The following UPF3B variants were observed in gnomAD, a reference collection of about 807,000 sequenced individuals.
UPF3B encodes the protein UPF3B regulator of nonsense mediated mRNA decay, also known as regulator of nonsense transcripts 3B.
UPF3B carries 7 observed loss-of-function variants against 40.3 expected under a neutral mutation model. That is an observed-to-expected ratio of 0.17 (90% CI 0.10 to 0.33). The LOEUF is 0.33. UPF3B is among the 10% of genes least tolerant of loss of function. The pLI, the probability that UPF3B is intolerant of heterozygous loss-of-function variation, is 1.00. For missense variants in UPF3B, 229 were observed against 358.9 expected (o/e 0.64, Z 2.93); for synonymous variants, 117 against 117.3 (o/e 1.00, Z 0.01).
intron 3 of UPF3B, among the ~76,000 whole-genome samples, chrX:119,847,965 T>TAC (rs2056255405): frequency 9.1e-6 from 1 of 110,344 alleles, no homozygotes; most frequent in African/African-American, 3.3e-5. Context: ...ATGTGGTATA[T>TAC]ACATATACTG....
chrX:119,842,495 G>A (rs1423601965), intron 5 of UPF3B, among the ~76,000 whole-genome samples: 1 of 108,549 alleles, frequency 9.2e-6, no homozygotes, highest in Non-Finnish European at 1.9e-5. Context: ...CGGCAGAATC[G>A]CCTGAACCCA....
Position 119,837,989 on chromosome X carries a change from T to A in UPF3B, c.1070A>T (p.Glu357Val). Residue 357 changes from glutamate to valine, a missense_variant, in exon 10 of 11, where the codon GAG becomes GTG. Physicochemically the swap from Glu to Val is moderately radical, Grantham distance 121. Coordinates refer to ENST00000276201, the MANE Select transcript of UPF3B (RefSeq NM_080632.3). ...CCTCTCTCTTTCTCGAAGTATGCGC[T>A]CCTGATCTCGTTCATATTCCCGTTC... ...EREREYERDQERILRERERLK... is the reference protein window; with the variant it reads ...EREREYERDQVRILRERERLK... 1 of 1,211,377 alleles carries A rather than the reference T, an allele frequency of 8.3e-7. No individual in the cohort carries two copies. Among genetic ancestry groups the A allele is most frequent in the Non-Finnish European group, 1.1e-6 (1 of 895,544 alleles).
At chrX:119,848,197 G>C (rs2056257616) in intron 3 of UPF3B, among the ~76,000 whole-genome samples, 1 of 101,721 alleles carries the variant, frequency 9.8e-6, no homozygotes, top group African/African-American at 3.8e-5. Context: ...CTGGAGAATT[G>C]CTTGAACCCA....
rs144736458 is a variant in UPF3B, at chrX:119,809,102, A to G, written c.603-1521T>C. ...TTCGAATGGCTCGGGAGGCCTCAGG[A>G]AATTTAAAATTATGGCAGAAGGTGA... On this transcript the variant is annotated intron_variant, in intron 5 of 6. Transcript: ENST00000636792. Among the ~76,000 whole-genome samples the G allele has an allele frequency of 1.0e-3, 113 of 111,637 alleles. 1 individual carries two copies. In the East Asian group the frequency reaches 0.025, roughly 24 times the overall value.
chrX:119,808,357 TG>T (rs2055808038), intron 5 of UPF3B, among the ~76,000 whole-genome samples: 1 of 102,947 alleles, frequency 9.7e-6, no homozygotes, highest in Admixed American at 1.1e-4. Context: ...AGGGCCCTCC[TG>T]TGGTTTCACT....
downstream of UPF3B, among the ~76,000 whole-genome samples, chrX:119,830,741 CA>C (rs1212201382): frequency 7.4e-3 from 608 of 82,494 alleles, 2 homozygotes; most frequent in African/African-American, 0.012. Context: ...TACTGTGTCT[CA>C]AAAAAAAAAA....
chrX:119,838,019 T>C lies in UPF3B; in HGVS notation c.1040A>G (p.Glu347Gly). The C allele has an allele frequency of 8.3e-7, 1 of 1,211,070 alleles. No homozygotes were observed. Among genetic ancestry groups the C allele is most frequent in the Non-Finnish European group, 1.1e-6 (1 of 895,513 alleles). ...ATCTCGTTCATATTCCCGTTCCCTC[T>C]CCCTATAGTCTCTGCCGCTCTCATC... ...PEDESGRDYR[E>G]REREYERDQE... The change falls in exon 10 of 11, where the codon GAG becomes GGG. Residue 347 changes from glutamate (E) to glycine (G), a missense_variant. Physicochemically the swap from Glu to Gly is moderately conservative, Grantham distance 98 (BLOSUM62 -2). Coordinates refer to ENST00000276201, the MANE Select transcript of UPF3B (RefSeq NM_080632.3).
chrX:119,823,429 G>A (rs2055943128), intron 3 of UPF3B, among the ~76,000 whole-genome samples: 2 of 110,517 alleles, frequency 1.8e-5, no homozygotes, highest in Non-Finnish European at 3.8e-5. Context: ...GCAGAGACGG[G>A]GTTGCCCTAT....
chrX:119,823,669 T>G (rs1199260421), intron 3 of UPF3B, among the ~76,000 whole-genome samples: 1 of 107,029 alleles, frequency 9.3e-6, no homozygotes, highest in Non-Finnish European at 1.9e-5. Context: ...GTTCAAGCGA[T>G]TCTCCTGCCT....
chrX:119,850,073 A>G (rs1233611322), intron 3 of UPF3B, among the ~76,000 whole-genome samples: 2 of 108,070 alleles, frequency 1.9e-5, no homozygotes, highest in Non-Finnish European at 3.8e-5. Flanking sequence ...GGGGGGGGAA[A>G]TCACTTGAGC....
rs1013243928 is a variant in UPF3B at position 119,825,012 on chromosome X, C to T, written c.393-1969G>A. ...AAACTCCTGACCTCAGGTGATCCAC[C>T]GGCCTTGGCTTCCCAAAGTGCTAGG... On this transcript the variant is annotated intron_variant, in intron 3 of 6. Transcript: ENST00000636792. 5.4e-5 allele frequency among the ~76,000 whole-genome samples: 6 copies of T among 110,711 alleles called. 1 individual carries two copies. The highest frequency in any genetic ancestry group is 2.0e-4 in the Admixed American group (2 of 10,247).
At chrX:119,807,442 T>C in intron 6 of UPF3B, 1 of 871,911 alleles carries the variant, frequency 1.1e-6, no homozygotes, top group Non-Finnish European at 1.5e-6. Context: ...AACACTCCCT[T>C]CCTCCTTCTT....
At chrX:119,807,983 G>A (rs1331852321) in intron 5 of UPF3B, among the ~76,000 whole-genome samples, 1 of 111,313 alleles carries the variant, frequency 9.0e-6, no homozygotes, top group Non-Finnish European at 1.9e-5. Flanking sequence ...TTAGTAGAGA[G>A]GGGGTCTCCC....
intron 5 of UPF3B, among the ~76,000 whole-genome samples, chrX:119,814,314 GACAAA>G (rs2055846261): frequency 8.9e-6 from 1 of 111,873 alleles, no homozygotes; most frequent in Non-Finnish European, 1.9e-5. Context: ...AAATGCTGGA[GACAAA>G]ACAAGATGTT....
rs371661562 is a variant in UPF3B at position 119,811,363 on chromosome X, A to G, written c.603-3782T>C. Among the ~76,000 whole-genome samples, 41 of 110,404 alleles carry G rather than the reference A, an allele frequency of 3.7e-4. No homozygotes were observed. In the East Asian group the frequency reaches 7.3e-3, roughly 20 times the overall value. On this transcript the variant is annotated intron_variant, in intron 5 of 6. Transcript: ENST00000636792. ...CCATCATCTGTTCTTTTAAAAATCC[A>G]TGGCCGGGTGCGGTGGCTCACACCT...
At chrX:119,825,803 G>A (rs2055972692) in intron 3 of UPF3B, among the ~76,000 whole-genome samples, 1 of 111,957 alleles carries the variant, frequency 8.9e-6, no homozygotes, top group Non-Finnish European at 1.9e-5. Context: ...AAAGATGAAG[G>A]CTGCAGCAGC....
chrX:119,838,404 G>A lies in UPF3B; in HGVS notation c.970C>T (p.Arg324Cys), dbSNP rs199988206. 10 of 1,211,648 alleles carry A rather than the reference G, an allele frequency of 8.3e-6. No individual in the cohort carries two copies. The highest frequency in any genetic ancestry group is 5.9e-5 in the East Asian group (2 of 33,846). Residue 324 changes from arginine to cysteine, a missense_variant, in exon 9 of 11, where the codon CGT (arginine) becomes TGT (cysteine). Coordinates refer to ENST00000276201, the MANE Select transcript of UPF3B (RefSeq NM_080632.3). ...TCATCTTTAAGTTCGCTATCAGAACGCTTGGGCAATGTACAACTTTGCCCA... is the reference window on the plus strand; with the variant it reads ...TCATCTTTAAGTTCGCTATCAGAACACTTGGGCAATGTACAACTTTGCCCA... ...ASGQSCTLPK[R>C]SDSELKDEKP...
intron 5 of UPF3B, among the ~76,000 whole-genome samples, chrX:119,810,111 T>G (rs191840611): frequency 5.1e-4 from 57 of 112,190 alleles, no homozygotes; most frequent in Middle Eastern, 4.6e-3. Context: ...GACCAACGAT[T>G]AACAGCAGAA....
Position 119,850,068 on chromosome X carries a change from G to C in UPF3B, c.370+1427C>G, listed in dbSNP as rs781384703. On this transcript the variant is annotated intron_variant, in intron 3 of 10. Transcript: ENST00000276201. The stretch of plus-strand genomic sequence containing the variant: ...ACTTTGGGAGGCTGAGGTGGGGGGG[G>C]GGAAATCACTTGAGCCCAGGAGTTC... Among the ~76,000 whole-genome samples, 444 of 103,058 alleles carry C rather than the reference G, an allele frequency of 4.3e-3. 4 individuals are homozygous for C. Among genetic ancestry groups the C allele is most frequent in the African/African-American group, 0.016 (422 of 25,669 alleles). 89.5% of individuals were successfully genotyped at this position (103,058 alleles called of 115,157 possible).
Sources: gnomAD v4.1 joint callset for allele counts (sites outside exome capture counted in the v4.1 genomes callset) on GRCh38, gnomAD v4.1.1 for gene constraint, MANE v1.5 for transcripts, NCBI Gene and HGNC (gene_info 2026-07-23, HGNC 2026-07-21) for gene names.